Variants in SGMS1 observed in about 807,000 individuals in gnomAD.
The protein encoded by SGMS1 is sphingomyelin synthase 1, also known as phosphatidylcholine:ceramide cholinephosphotransferase 1.
A neutral mutation model predicts 46.2 loss-of-function variants in SGMS1; 13 were observed. The ratio of observed to expected loss-of-function variants is 0.28; its 90% CI spans 0.18 to 0.45. The LOEUF (loss-of-function observed/expected upper bound fraction) is 0.45, where lower values mean the gene tolerates loss of function less well. Among genes scored for constraint, SGMS1 ranks in the 20% least tolerant of loss-of-function variants. The pLI is 1.00. For missense variants in SGMS1, 324 were observed against 519.9 expected (o/e 0.62, Z 3.66); for synonymous variants, 203 against 187.8 (o/e 1.08, Z -0.66).
At chr10:50,442,326 G>A (rs1849556385) in intron 5 of SGMS1, among the ~76,000 whole-genome samples, 1 of 151,902 alleles carries the variant, frequency 6.6e-6, no homozygotes, top group South Asian at 2.1e-4. Flanking sequence ...TCTTCCTGAT[G>A]CTCTCCCTCC....
At chr10:50,576,130 CACTGTATT>C (rs1008121930) in intron 2 of SGMS1, among the ~76,000 whole-genome samples, 7 of 152,070 alleles carry the variant, frequency 4.6e-5, no homozygotes, top group African/African-American at 1.4e-4. Context: ...AACCACCTAA[CACTGTATT>C]ACTCGGCCCC....
chr10:50,498,202 C>T (rs1837631554), intron 3 of SGMS1, among the ~76,000 whole-genome samples: 1 of 152,152 alleles, frequency 6.6e-6, no homozygotes, highest in East Asian at 1.9e-4. Context: ...ATCATGGTAA[C>T]TTAACATGGG....
At chr10:50,562,114 TTC>T (rs1317689719) in intron 2 of SGMS1, among the ~76,000 whole-genome samples, 1 of 152,174 alleles carries the variant, frequency 6.6e-6, no homozygotes, top group African/African-American at 2.4e-5. Flanking sequence ...ACGCTTTCTT[TTC>T]TTTCTTCTTT....
At chr10:50,597,544 A>C (rs1838605917) in intron 1 of SGMS1, among the ~76,000 whole-genome samples, 1 of 152,228 alleles carries the variant, frequency 6.6e-6, no homozygotes, top group African/African-American at 2.4e-5. Flanking sequence ...CCACTTACAT[A>C]ATAGTCTTAC....
Position 50,306,108 on chromosome 10 carries a change from G to A in SGMS1, c.*1034C>T, listed in dbSNP as rs1014359440. 6.6e-6 allele frequency: 1 copy of A among 152,622 alleles called. No individual in the cohort carries two copies. The allele number at this position is 152,622 out of a possible 1,614,324, so 9.5% of individuals were successfully genotyped here. On this transcript the variant is annotated 3_prime_UTR_variant, in exon 11 of 11. Coordinates refer to ENST00000361781, the MANE Select transcript of SGMS1 (RefSeq NM_147156.4). ...TCTTTAAGAAAAGATATTCATGGCT[G>A]TTTTCATTGAGTAGTTAAAATTGAA...
chr10:50,408,797 G>A (rs1162944055), intron 6 of SGMS1, among the ~76,000 whole-genome samples: 2 of 152,118 alleles, frequency 1.3e-5, no homozygotes, highest in Non-Finnish European at 2.9e-5. Context: ...AATCATTTGA[G>A]CTTGGGAGTT....
intron 2 of SGMS1, among the ~76,000 whole-genome samples, chr10:50,581,144 A>G (rs1297702895): frequency 3.3e-5 from 5 of 152,322 alleles, no homozygotes; most frequent in African/African-American, 9.6e-5. Flanking sequence ...GCAACCTCCA[A>G]TGAGACCCCA....
chr10:50,358,028 G>A (rs1421974681), intron 6 of SGMS1, among the ~76,000 whole-genome samples: 1 of 152,080 alleles, frequency 6.6e-6, no homozygotes, highest in Admixed American at 6.5e-5. Flanking sequence ...GCCTGTAATC[G>A]CAAAACTTTG....
At chr10:50,614,758 T>C (rs1838781400) in intron 1 of SGMS1, among the ~76,000 whole-genome samples, 1 of 152,258 alleles carries the variant, frequency 6.6e-6, no homozygotes, top group Non-Finnish European at 1.5e-5. Flanking sequence ...TATGTAAAGG[T>C]ACTGGCTCTC....
intron 6 of SGMS1, among the ~76,000 whole-genome samples, chr10:50,416,623 T>G (rs1051372695): frequency 6.6e-6 from 1 of 152,164 alleles, no homozygotes. Context: ...CTCCCAAGTT[T>G]ACATGCTATT....
intron 1 of SGMS1, among the ~76,000 whole-genome samples, chr10:50,613,491 A>T (rs1241015655): frequency 6.6e-6 from 1 of 152,204 alleles, no homozygotes; most frequent in Non-Finnish European, 1.5e-5. Context: ...AAATGACCAG[A>T]CTGGAGAGTG....
intron 2 of SGMS1, among the ~76,000 whole-genome samples, chr10:50,532,518 G>C (rs1031326543): frequency 5.3e-5 from 8 of 151,998 alleles, no homozygotes; most frequent in Non-Finnish European, 7.4e-5. Context: ...TATGCCATAG[G>C]AACTTAACTC....
At chr10:50,476,987 G>C (rs938177614) in intron 3 of SGMS1, among the ~76,000 whole-genome samples, 1 of 152,250 alleles carries the variant, frequency 6.6e-6, no homozygotes, top group Admixed American at 6.5e-5. Context: ...TGTAGGGTTG[G>C]AGCCCCCACA....
chr10:50,464,431 C>T (rs114411705), intron 4 of SGMS1, among the ~76,000 whole-genome samples: 1,541 of 152,288 alleles, frequency 0.01, 30 homozygotes, highest in African/African-American at 0.035. Context: ...AGAGTGCAGC[C>T]TGTGGACACC....
At chr10:50,413,991 T>A (rs931997446) in intron 6 of SGMS1, among the ~76,000 whole-genome samples, 3 of 152,254 alleles carry the variant, frequency 2.0e-5, no homozygotes, top group African/African-American at 7.2e-5. Context: ...TTTAATTTTT[T>A]AATTTTTTTT....
intron 1 of SGMS1, among the ~76,000 whole-genome samples, chr10:50,612,767 G>A (rs1210410646): frequency 6.6e-6 from 1 of 152,136 alleles, no homozygotes; most frequent in Non-Finnish European, 1.5e-5. Flanking sequence ...GGAGTGCAGT[G>A]GCGTGATCGC....
chr10:50,498,160 TG>T (rs889800622), intron 3 of SGMS1, among the ~76,000 whole-genome samples: 1 of 152,170 alleles, frequency 6.6e-6, no homozygotes, highest in African/African-American at 2.4e-5. Context: ...CCACCACCCC[TG>T]CTTTTTCAGC....
chr10:50,392,315 G>A (rs1848783552), intron 6 of SGMS1, among the ~76,000 whole-genome samples: 1 of 152,002 alleles, frequency 6.6e-6, no homozygotes, highest in Admixed American at 6.6e-5. Context: ...AAACAAAATA[G>A]AATCTAGCTA....
At chr10:50,562,161 T>A (rs183902040) in intron 2 of SGMS1, among the ~76,000 whole-genome samples, 4 of 152,276 alleles carry the variant, frequency 2.6e-5, no homozygotes, top group Admixed American at 2.6e-4. Flanking sequence ...CAACTCAACC[T>A]TCACCAAAAT....
Sources: gnomAD v4.1 joint callset for allele counts (sites outside exome capture counted in the v4.1 genomes callset) on GRCh38, gnomAD v4.1.1 for gene constraint, MANE v1.5 for transcripts, NCBI Gene and HGNC (gene_info 2026-07-23, HGNC 2026-07-21) for gene names.